Variants in KCND3 observed in about 807,000 individuals in gnomAD.
The protein encoded by KCND3 is A-type voltage-gated potassium channel KCND3.
In KCND3, 9 loss-of-function variants were observed where a neutral mutation model predicts 51.1. The observed-to-expected ratio is 0.18, with a 90% confidence interval of 0.11 to 0.31. The LOEUF (loss-of-function observed/expected upper bound fraction) is 0.31, where lower values mean the gene tolerates loss of function less well. KCND3 is among the 10% of genes least tolerant of loss of function. KCND3 has a pLI of 1.00. For synonymous variants in KCND3, 349 were observed against 368.0 expected (o/e 0.95, Z 0.59); for missense variants, 526 against 903.8 (o/e 0.58, Z 5.36).
intron 1 of KCND3, chr1:111,988,708 C>G (rs1330700169): frequency 6.6e-6 from 1 of 152,140 alleles, no homozygotes; most frequent in Non-Finnish European, 1.5e-5. Flanking sequence ...TGCCTAGGAC[C>G]CCGAGAAAGT....
chr1:111,791,032 T>G (rs1664803237), intron 2 of KCND3, among the ~76,000 whole-genome samples: 1 of 152,250 alleles, frequency 6.6e-6, no homozygotes, highest in Non-Finnish European at 1.5e-5. Flanking sequence ...GCTATGAACA[T>G]TTGTGTACAA....
At chr1:111,942,019 T>A (rs370000523) in intron 2 of KCND3, among the ~76,000 whole-genome samples, 17 of 152,096 alleles carry the variant, frequency 1.1e-4, no homozygotes, top group Admixed American at 3.9e-4. Context: ...TATCAGCTTA[T>A]CCTGCTCCAG....
At chr1:111,916,174 A>G (rs1391781169) in intron 2 of KCND3, among the ~76,000 whole-genome samples, 2 of 152,252 alleles carry the variant, frequency 1.3e-5, no homozygotes, top group African/African-American at 4.8e-5. Context: ...ACCGTATTCT[A>G]GACTATAAAG....
intron 2 of KCND3, among the ~76,000 whole-genome samples, chr1:111,924,342 C>G (rs1671603555): frequency 6.6e-6 from 1 of 152,234 alleles, no homozygotes; most frequent in African/African-American, 2.4e-5. Context: ...ATATGATGCT[C>G]AGGGACCACA....
intron 2 of KCND3, among the ~76,000 whole-genome samples, chr1:111,889,179 C>T (rs1669712938): frequency 6.6e-6 from 1 of 152,214 alleles, no homozygotes; most frequent in South Asian, 2.1e-4. Context: ...CCACAAACCA[C>T]AGACATAACC....
chr1:111,838,402 C>CA (rs765232590), intron 2 of KCND3, among the ~76,000 whole-genome samples: 4 of 152,152 alleles, frequency 2.6e-5, no homozygotes, highest in Non-Finnish European at 5.9e-5. Flanking sequence ...ACACAACAGA[C>CA]ATCCCAGCGC....
At chr1:111,798,305 CTT>C (rs1665148858) in intron 2 of KCND3, among the ~76,000 whole-genome samples, 1 of 152,206 alleles carries the variant, frequency 6.6e-6, no homozygotes, top group Non-Finnish European at 1.5e-5. Flanking sequence ...CTCTCTCTCT[CTT>C]TGCTAGGTAA....
intron 2 of KCND3, among the ~76,000 whole-genome samples, chr1:111,869,973 T>C (rs796301404): frequency 4.6e-5 from 7 of 152,272 alleles, no homozygotes; most frequent in African/African-American, 1.7e-4. Flanking sequence ...CAAATAAATA[T>C]CAAGGACAAC....
intron 2 of KCND3, among the ~76,000 whole-genome samples, chr1:111,817,237 C>T (rs1666138646): frequency 6.7e-6 from 1 of 149,716 alleles, no homozygotes; most frequent in Admixed American, 6.6e-5. Flanking sequence ...CATTTTAGCT[C>T]ATCAAAATAC....
At chr1:111,964,990 T>C (rs575373253) in intron 2 of KCND3, among the ~76,000 whole-genome samples, 1 of 152,238 alleles carries the variant, frequency 6.6e-6, no homozygotes, top group South Asian at 2.1e-4. Context: ...GCCAGGAATG[T>C]TTGTTGAGCG....
chr1:111,837,968 G>A (rs781046638), intron 2 of KCND3, among the ~76,000 whole-genome samples: 9 of 152,102 alleles, frequency 5.9e-5, no homozygotes, highest in Admixed American at 1.3e-4. Flanking sequence ...CAGAGGTGCC[G>A]TTCTCATCAT....
chr1:111,790,363 C>T (rs1664775720), intron 2 of KCND3, among the ~76,000 whole-genome samples: 1 of 152,106 alleles, frequency 6.6e-6, no homozygotes, highest in South Asian at 2.1e-4. Flanking sequence ...TAGAATTAGC[C>T]AGTGTAGTGG....
chr1:111,793,733 G>A (rs1664940796), intron 2 of KCND3, among the ~76,000 whole-genome samples: 1 of 152,082 alleles, frequency 6.6e-6, no homozygotes, highest in African/African-American at 2.4e-5. Flanking sequence ...GGGAGCTAAT[G>A]GTGATTCTCT....
In KCND3 at chr1:111,943,111, T is replaced by C. The variant is rs151016600; in HGVS notation, c.1106+38510A>G. Among the ~76,000 whole-genome samples the C allele has an allele frequency of 1.1e-4, 16 of 151,710 alleles. No homozygotes were observed. In the East Asian group the frequency reaches 3.1e-3, roughly 30 times the overall value. ...AGGGGACACCCAGGAGTGAAGTGAG[T>C]GTTCAGTGTGGGGAGGCTGCATCTC... On this transcript the variant is annotated intron_variant, in intron 2 of 7. Coordinates refer to ENST00000302127, the MANE Select transcript of KCND3 (RefSeq NM_001378969.1).
chr1:111,888,714 A>G (rs1314349381), intron 2 of KCND3, among the ~76,000 whole-genome samples: 1 of 151,866 alleles, frequency 6.6e-6, no homozygotes. Context: ...TAAAGAAAAC[A>G]AAGACAGTGA....
intron 2 of KCND3, among the ~76,000 whole-genome samples, chr1:111,882,318 G>A (rs1669369709): frequency 1.3e-5 from 2 of 152,196 alleles, no homozygotes; most frequent in South Asian, 2.1e-4. Flanking sequence ...AAATATGCTC[G>A]AGTGGGGCAG....
chr1:111,864,862 G>C (rs945549271), intron 2 of KCND3, among the ~76,000 whole-genome samples: 1 of 152,176 alleles, frequency 6.6e-6, no homozygotes. Context: ...TATACGTTAG[G>C]GTTGGGGGGA....
intron 2 of KCND3, among the ~76,000 whole-genome samples, chr1:111,975,405 AG>A (rs1674572757): frequency 6.6e-6 from 1 of 152,126 alleles, no homozygotes; most frequent in South Asian, 2.1e-4. Context: ...GAGCTGGTGA[AG>A]CTTGGTGGGA....
chr1:111,971,935 T>C (rs2920582), intron 2 of KCND3, among the ~76,000 whole-genome samples: 152,016 of 152,316 alleles, frequency 1, 75,858 homozygotes, highest in Non-Finnish European at 1. Context: ...GCCTTCTTTA[T>C]CTCTTACCTG....
Sources: gnomAD v4.1 joint callset for allele counts (sites outside exome capture counted in the v4.1 genomes callset) on GRCh38, gnomAD v4.1.1 for gene constraint, MANE v1.5 for transcripts, NCBI Gene and HGNC (gene_info 2026-07-23, HGNC 2026-07-21) for gene names.